The following KIF16B variants were observed in gnomAD, a reference collection of about 807,000 sequenced individuals.
KIF16B encodes kinesin-like protein KIF16B.
Under a neutral mutation model 156.3 loss-of-function variants are expected in KIF16B, and 98 were observed. That is an observed-to-expected ratio of 0.63 (90% confidence interval 0.53 to 0.74). The LOEUF (loss-of-function observed/expected upper bound fraction) is 0.74. Among genes scored for constraint, KIF16B ranks in the 30% least tolerant of loss-of-function variants. The pLI is 0.00. For synonymous variants in KIF16B, 564 were observed against 583.7 expected, an observed-to-expected ratio of 0.97 and a Z score of 0.49; for missense variants, 1,421 against 1,606.5, an observed-to-expected ratio of 0.88 and a Z score of 1.97.
intron 4 of KIF16B, among the ~76,000 whole-genome samples, chr20:16,514,595 A>G (rs8120651): frequency 6.7e-5 from 10 of 150,168 alleles, no homozygotes. Context: ...AAAAAAAAAA[A>G]AAAAAAAAAA....
chr20:16,364,877 G>C (rs1307671087), intron 22 of KIF16B, among the ~76,000 whole-genome samples: 2 of 152,124 alleles, frequency 1.3e-5, no homozygotes, highest in Non-Finnish European at 2.9e-5. Flanking sequence ...TACGATGCTC[G>C]TATCTGCTGC....
chr20:16,337,103 T>C (rs562949778), intron 23 of KIF16B, among the ~76,000 whole-genome samples: 8 of 152,234 alleles, frequency 5.3e-5, no homozygotes, highest in Non-Finnish European at 1.2e-4. Context: ...CACAGCAGCC[T>C]GTCTGCAGGC....
chr20:16,315,080 C>T (rs951130183), intron 24 of KIF16B, among the ~76,000 whole-genome samples: 1 of 152,058 alleles, frequency 6.6e-6, no homozygotes, highest in Non-Finnish European at 1.5e-5. Context: ...GTCACACTCA[C>T]ATGCTCAATC....
chr20:16,354,812 G>A (rs560477486), intron 23 of KIF16B, among the ~76,000 whole-genome samples: 3 of 152,226 alleles, frequency 2.0e-5, no homozygotes, highest in African/African-American at 7.2e-5. Context: ...CGGACGTGGT[G>A]GCACATGCCT....
intron 23 of KIF16B, among the ~76,000 whole-genome samples, chr20:16,354,564 T>C (rs1020303736): frequency 7.2e-5 from 11 of 151,870 alleles, no homozygotes; most frequent in Non-Finnish European, 1.5e-4. Context: ...GAGATAGATA[T>C]TAGGTCAGGG....
chr20:16,316,978 T>C (rs2063707803), intron 24 of KIF16B, among the ~76,000 whole-genome samples: 2 of 152,176 alleles, frequency 1.3e-5, no homozygotes, highest in South Asian at 4.1e-4. Flanking sequence ...TCCAACAAAT[T>C]AAGAATATAA....
At chr20:16,378,000 T>C (rs2064994919) in intron 19 of KIF16B, among the ~76,000 whole-genome samples, 1 of 152,206 alleles carries the variant, frequency 6.6e-6, no homozygotes, top group Admixed American at 6.5e-5. Flanking sequence ...CAGAATTATC[T>C]GGAGTTTTGT....
chr20:16,537,045 C>T (rs2069995758), intron 1 of KIF16B, among the ~76,000 whole-genome samples: 1 of 152,070 alleles, frequency 6.6e-6, no homozygotes, highest in Non-Finnish European at 1.5e-5. Flanking sequence ...TCAGGCTACC[C>T]CCACCTCTAG....
intron 24 of KIF16B, among the ~76,000 whole-genome samples, chr20:16,315,799 A>G (rs6080222): frequency 0.39 from 59,119 of 152,024 alleles, 11,484 homozygotes; most frequent in Admixed American, 0.41. Flanking sequence ...AATAAAGTAC[A>G]GGTAGGATGG....
intron 17 of KIF16B, among the ~76,000 whole-genome samples, chr20:16,390,563 G>A (rs775688507): frequency 1.3e-5 from 2 of 152,040 alleles, no homozygotes; most frequent in African/African-American, 4.8e-5. Context: ...GAGGGCCCAG[G>A]TGAACTCCTT....
At chr20:16,481,250 A>G (rs1370379833) in intron 12 of KIF16B, among the ~76,000 whole-genome samples, 1 of 151,590 alleles carries the variant, frequency 6.6e-6, no homozygotes, top group Non-Finnish European at 1.5e-5. Flanking sequence ...TGGCTGGAGT[A>G]CAGTGAGCAA....
intron 17 of KIF16B, among the ~76,000 whole-genome samples, chr20:16,393,159 TA>T (rs2065411526): frequency 6.6e-6 from 1 of 152,232 alleles, no homozygotes; most frequent in Admixed American, 6.5e-5. Context: ...GATGTACACT[TA>T]AATATATGTA....
intron 23 of KIF16B, 136 bp downstream of exon 23, chr20:16,356,194 A>C (rs2064437714): frequency 3.6e-6 from 4 of 1,110,228 alleles, no homozygotes; most frequent in Non-Finnish European, 5.3e-6. Flanking sequence ...GACTGGTTTA[A>C]AGAAGGGCAA....
chr20:16,488,791 G>C (rs1366262019), intron 12 of KIF16B, among the ~76,000 whole-genome samples: 1 of 152,166 alleles, frequency 6.6e-6, no homozygotes, highest in Non-Finnish European at 1.5e-5. Context: ...TGCAGTTTGA[G>C]ATAAATTTAG....
At chr20:16,418,021 C>T (rs952989960) in intron 15 of KIF16B, among the ~76,000 whole-genome samples, 2 of 151,708 alleles carry the variant, frequency 1.3e-5, no homozygotes, top group Non-Finnish European at 2.9e-5. Flanking sequence ...AGACAACAGC[C>T]TATGAATTTG....
intron 20 of KIF16B, among the ~76,000 whole-genome samples, chr20:16,372,071 C>A (rs2064835615): frequency 6.6e-6 from 1 of 152,178 alleles, no homozygotes; most frequent in African/African-American, 2.4e-5. Flanking sequence ...AAATCAGTCA[C>A]TGGCTTCAGA....
intron 12 of KIF16B, among the ~76,000 whole-genome samples, chr20:16,470,642 C>A (rs1157620571): frequency 6.6e-6 from 1 of 151,490 alleles, no homozygotes; most frequent in Non-Finnish European, 1.5e-5. Flanking sequence ...CACCACCATG[C>A]CCAGCAAATT....
intron 12 of KIF16B, among the ~76,000 whole-genome samples, chr20:16,439,261 A>G (rs2146513883): frequency 6.6e-6 from 1 of 152,244 alleles, no homozygotes; most frequent in Non-Finnish European, 1.5e-5. Context: ...TGAATCTCTG[A>G]TATCCCCCAA....
intron 15 of KIF16B, among the ~76,000 whole-genome samples, chr20:16,412,334 G>A (rs570239089): frequency 6.6e-6 from 1 of 152,124 alleles, no homozygotes; most frequent in African/African-American, 2.4e-5. Flanking sequence ...ATGCAGAAGA[G>A]GTAAGGAAAT....
Sources: gnomAD v4.1 joint callset for allele counts (sites outside exome capture counted in the v4.1 genomes callset) on GRCh38, gnomAD v4.1.1 for gene constraint, MANE v1.5 for transcripts, NCBI Gene and HGNC (gene_info 2026-07-23, HGNC 2026-07-21) for gene names.